The following ETV1 variants were observed in gnomAD, a reference collection of about 807,000 sequenced individuals.
The protein encoded by ETV1 is ETS translocation variant 1.
ETV1 carries 27 observed loss-of-function variants against 62.3 expected under a neutral mutation model. The ratio of observed to expected loss-of-function variants is 0.43; its 90% confidence interval spans 0.32 to 0.60. ETV1 has a LOEUF of 0.60. ETV1 is among the 20% of genes least tolerant of loss of function. ETV1 has a pLI of 0.06. For missense variants in ETV1, 605 were observed against 605.8 expected, an observed-to-expected ratio of 1.00 and a Z score of 0.01; for synonymous variants, 222 against 199.6, an observed-to-expected ratio of 1.11 and a Z score of -0.94.
intron 5 of ETV1, among the ~76,000 whole-genome samples, chr7:13,981,316 A>G (rs1019384732): frequency 6.6e-6 from 1 of 152,080 alleles, no homozygotes; most frequent in African/African-American, 2.4e-5. Context: ...TTCTGCCTCC[A>G]TTCACAAAAA....
At position 13,891,941 on chromosome 7, in the gene ETV1, T is replaced by C. The variant is rs982237818; in HGVS notation, c.*3925A>G. On this transcript the variant is annotated 3_prime_UTR_variant, in exon 14 of 14. Transcript: ENST00000430479. ...AATGACCTTCTCCTCTGTAATGTTT[T>C]CTCATTACAAGCTCTGAAAAGGCTG... 8.6e-6 allele frequency: 2 copies of C among 231,904 alleles called. No individual in the cohort carries two copies. Among genetic ancestry groups the C allele is most frequent in the Non-Finnish European group, 1.7e-5 (2 of 117,258 alleles). 14.4% of individuals were successfully genotyped at this position (231,904 alleles called of 1,614,324 possible). A position where few individuals can be genotyped will look rare whatever the true frequency, so the allele number is the denominator to read the frequency against.
At chr7:13,914,307 C>G (rs1783903982) in intron 9 of ETV1, among the ~76,000 whole-genome samples, 1 of 152,018 alleles carries the variant, frequency 6.6e-6, no homozygotes, top group Non-Finnish European at 1.5e-5. Flanking sequence ...TAATTTAGGA[C>G]AAAGAATTTT....
chr7:13,930,635 CCCT>C (rs1474007207), intron 9 of ETV1, among the ~76,000 whole-genome samples: 1 of 151,728 alleles, frequency 6.6e-6, no homozygotes. Context: ...TTTAAACCCT[CCCT>C]CCTTTCAGGA....
intron 9 of ETV1, among the ~76,000 whole-genome samples, chr7:13,930,528 A>G (rs912726985): frequency 3.3e-5 from 5 of 151,754 alleles, no homozygotes; most frequent in Admixed American, 2.0e-4. Flanking sequence ...TCACCGTGTT[A>G]GCCAGGATGG....
At chr7:13,950,937 C>CACACACACAT (rs1355004559) in intron 6 of ETV1, among the ~76,000 whole-genome samples, 6 of 147,358 alleles carry the variant, frequency 4.1e-5, no homozygotes, top group African/African-American at 1.2e-4. Flanking sequence ...CACACACACA[C>CACACACACAT]ACACAATATC....
At chr7:13,921,218 A>G (rs1187688887) in intron 9 of ETV1, among the ~76,000 whole-genome samples, 7 of 152,218 alleles carry the variant, frequency 4.6e-5, no homozygotes, top group African/African-American at 1.7e-4. Context: ...TTGTAATGGA[A>G]TAAGGCCACG....
intron 9 of ETV1, among the ~76,000 whole-genome samples, chr7:13,929,642 C>A (rs1392864356): frequency 6.6e-6 from 1 of 152,154 alleles, no homozygotes; most frequent in East Asian, 1.9e-4. Flanking sequence ...CACCCTTGAA[C>A]CTAGCACTAT....
chr7:13,925,304 T>C (rs1018908769), intron 9 of ETV1, among the ~76,000 whole-genome samples: 1 of 152,124 alleles, frequency 6.6e-6, no homozygotes, highest in African/African-American at 2.4e-5. Context: ...AACCAACTAC[T>C]GAGTTAAGAT....
intron 7 of ETV1, among the ~76,000 whole-genome samples, chr7:13,936,975 G>C (rs1786877524): frequency 6.6e-6 from 1 of 152,140 alleles, no homozygotes; most frequent in Non-Finnish European, 1.5e-5. Flanking sequence ...TCGGGAGGCA[G>C]AGGTTGCAGT....
intron 10 of ETV1, among the ~76,000 whole-genome samples, chr7:13,909,906 T>C (rs2128418647): frequency 6.6e-6 from 1 of 152,246 alleles, no homozygotes; most frequent in East Asian, 1.9e-4. Flanking sequence ...CTTATCATGT[T>C]ATAGGGTTGC....
intron 12 of ETV1, among the ~76,000 whole-genome samples, chr7:13,905,838 G>C (rs1227950879): frequency 1.3e-5 from 2 of 152,126 alleles, no homozygotes; most frequent in African/African-American, 4.8e-5. Context: ...ACGGACAAAG[G>C]AAAATGTTTC....
intron 11 of ETV1, 102 bp downstream of exon 11, chr7:13,909,530 A>C: frequency 1.2e-6 from 1 of 833,780 alleles, no homozygotes; most frequent in Non-Finnish European, 2.0e-6. Flanking sequence ...AATTATGTGC[A>C]TAGGAATCTT....
intron 6 of ETV1, among the ~76,000 whole-genome samples, chr7:13,952,444 CTG>C (rs1429774418): frequency 6.6e-6 from 1 of 152,116 alleles, no homozygotes; most frequent in Non-Finnish European, 1.5e-5. Flanking sequence ...TCAATAATAA[CTG>C]AGGGCATTTG....
In ETV1 at chr7:13,989,338, G is replaced by C. The variant is rs1245858567; in HGVS notation, c.-158C>G. On this transcript the variant is annotated 5_prime_UTR_variant, in exon 2 of 14. Transcript: ENST00000430479. ...GGTAGTAGCAAAAATCCGAACAAGA[G>C]GCGATGTATTTATTTACACTCTCGA... is the stretch of plus-strand genomic sequence containing the variant. 1 of 507,368 alleles carries C rather than the reference G, an allele frequency of 2.0e-6. No homozygotes were observed. The highest frequency in any genetic ancestry group is 2.0e-5 in the African/African-American group (1 of 50,626). 31.4% of individuals were successfully genotyped at this position (507,368 alleles called of 1,614,324 possible). A position where few individuals can be genotyped will look rare whatever the true frequency, so the allele number is the denominator to read the frequency against.
intron 9 of ETV1, among the ~76,000 whole-genome samples, chr7:13,916,060 T>C (rs1784122936): frequency 6.6e-6 from 1 of 152,078 alleles, no homozygotes; most frequent in Non-Finnish European, 1.5e-5. Flanking sequence ...GAATGTAACA[T>C]CTTAGTTACT....
intron 10 of ETV1, among the ~76,000 whole-genome samples, chr7:13,910,700 GGTATCAAA>G (rs2128419720): frequency 6.6e-6 from 1 of 152,138 alleles, no homozygotes; most frequent in African/African-American, 2.4e-5. Context: ...TTACTTTTTA[GGTATCAAA>G]GTCCTTTACA....
At chr7:13,986,725 A>G (rs1486987904) in intron 4 of ETV1, 40 bp from the exon 5 acceptor site, 4 of 1,421,848 alleles carry the variant, frequency 2.8e-6, no homozygotes, top group Middle Eastern at 1.8e-4. Flanking sequence ...AGATTTGCAA[A>G]TCTTTAATCT....
At chr7:13,983,231 A>G (rs182606985) in intron 5 of ETV1, among the ~76,000 whole-genome samples, 577 of 152,172 alleles carry the variant, frequency 3.8e-3, no homozygotes, top group Non-Finnish European at 6.4e-3. Flanking sequence ...CGGAAACAAA[A>G]TAACAGTCAA....
At chr7:13,896,792 G>GAAAGAAAGAAAGAAAGAAA (rs1562578383) in intron 13 of ETV1, among the ~76,000 whole-genome samples, 1 of 150,710 alleles carries the variant, frequency 6.6e-6, no homozygotes, top group Non-Finnish European at 1.5e-5. Flanking sequence ...AAGAAAGAAA[G>GAAAGAAAGAAAGAAAGAAA]GATACACAGC....
Sources: allele counts gnomAD v4.1 joint callset (sites outside exome capture counted in the v4.1 genomes callset), GRCh38; gene constraint gnomAD v4.1.1; transcripts MANE v1.5; gene names NCBI Gene and HGNC (gene_info 2026-07-23, HGNC 2026-07-21).